COL13A1: variants seen among roughly 807,000 people sequenced by gnomAD.
COL13A1 encodes the protein collagen type XIII alpha 1 chain.
Under a neutral mutation model 130.9 loss-of-function variants are expected in COL13A1, and 89 were observed. The observed-to-expected ratio is 0.68, with a 90% CI of 0.57 to 0.81. The LOEUF (loss-of-function observed/expected upper bound fraction) is 0.81, where lower values mean the gene tolerates loss of function less well. COL13A1 is among the 30% of genes least tolerant of loss of function. The pLI is 0.00. For synonymous variants in COL13A1, 402 were observed against 341.6 expected (o/e 1.18, Z -1.95); for missense variants, 879 against 934.6 (o/e 0.94, Z 0.78).
intron 31 of COL13A1, 31 bp from the exon 32 acceptor site, chr10:69,935,319 A>C: frequency 2.6e-6 from 4 of 1,565,892 alleles, no homozygotes; most frequent in Non-Finnish European, 3.5e-6. Flanking sequence ...GGGCCACTTC[A>C]AATGTAACAG....
intron 14 of COL13A1, among the ~76,000 whole-genome samples, chr10:69,902,267 T>C (rs2062259700): frequency 6.6e-6 from 1 of 152,220 alleles, no homozygotes; most frequent in South Asian, 2.1e-4. Flanking sequence ...CTGGGTCAGA[T>C]AAAGACAGCA....
At chr10:69,917,214 T>G in intron 17 of COL13A1, 75 bp from the exon 18 acceptor site, 2 of 1,582,912 alleles carry the variant, frequency 1.3e-6, no homozygotes, top group Non-Finnish European at 1.7e-6. Flanking sequence ...GACAAGACAT[T>G]CTCACCGACA....
chr10:69,919,946 C>T (rs1247623477), intron 21 of COL13A1, among the ~76,000 whole-genome samples: 1 of 152,224 alleles, frequency 6.6e-6, no homozygotes, highest in African/African-American at 2.4e-5. Context: ...CAGCAGAAAG[C>T]CTAGCAGAAG....
At chr10:69,944,725 G>GA (rs5785958) in intron 36 of COL13A1, among the ~76,000 whole-genome samples, 3 of 150,684 alleles carry the variant, frequency 2.0e-5, no homozygotes, top group East Asian at 1.9e-4. Flanking sequence ...AAGAGGAAAA[G>GA]AAAAAAAAAG....
At chr10:69,919,951 CAGA>C (rs1447959808) in intron 21 of COL13A1, among the ~76,000 whole-genome samples, 2 of 152,226 alleles carry the variant, frequency 1.3e-5, no homozygotes, top group African/African-American at 4.8e-5. Flanking sequence ...GAAAGCCTAG[CAGA>C]AGGAGGAACT....
Position 69,952,845 on chromosome 10 carries a change from T to C in COL13A1, c.2059-37T>C, listed in dbSNP as rs372752567. On this transcript the variant is annotated intron_variant, in intron 38 of 40. Transcript: ENST00000645393. ...TTAACACATGAATGATCTTAAAGTT[T>C]TGATGTTTTTTTCTCGGACTAAACC... is the stretch of plus-strand genomic sequence containing the variant. 3.6e-6 allele frequency: 5 copies of C among 1,392,810 alleles called. No homozygotes were observed. The African/African-American group carries it at 7.5e-5, about 21-fold the overall frequency. 86.3% of individuals were successfully genotyped at this position (1,392,810 alleles called of 1,614,324 possible).
chr10:69,813,310 C>T (rs1026844308), intron 1 of COL13A1, among the ~76,000 whole-genome samples: 2 of 152,178 alleles, frequency 1.3e-5, no homozygotes, highest in African/African-American at 2.4e-5. Context: ...TTCTGGGGCC[C>T]GGTTCCTTGA....
chr10:69,850,653 G>A (rs184043462), intron 2 of COL13A1, among the ~76,000 whole-genome samples: 122 of 152,106 alleles, frequency 8.0e-4, no homozygotes, highest in Non-Finnish European at 1.6e-3. Flanking sequence ...GAGGGGGGCT[G>A]AGGCAGATCA....
At position 69,936,128 on chromosome 10, in the gene COL13A1, A is replaced by AGAAG. The variant is rs1444456777; in HGVS notation, c.1771-580_1771-577dup. Among the ~76,000 whole-genome samples, 141 of 92,212 alleles carry AGAAG rather than the reference A, an allele frequency of 1.5e-3. 1 individual carries two copies. The highest frequency in any genetic ancestry group is 6.7e-3 in the African/African-American group (135 of 20,122). 60.5% of individuals were successfully genotyped at this position (92,212 alleles called of 152,430 possible). On this transcript the variant is annotated intron_variant, in intron 32 of 40. Transcript: ENST00000645393. ...AGGAAGGAAGGAAGGAAGGAAGGAA[A>AGAAG]GAAGGAAGGAAGGAAGGAAGGAAGG...
At chr10:69,804,394 G>A (rs565365102) in intron 1 of COL13A1, among the ~76,000 whole-genome samples, 1 of 151,948 alleles carries the variant, frequency 6.6e-6, no homozygotes, top group African/African-American at 2.4e-5. Flanking sequence ...ATGCCAAGTC[G>A]CATACTCTAG....
At chr10:69,886,342 G>A (rs1208500069) in intron 7 of COL13A1, among the ~76,000 whole-genome samples, 2 of 152,182 alleles carry the variant, frequency 1.3e-5, no homozygotes, top group African/African-American at 4.8e-5. Context: ...TGAGGCTCTG[G>A]GAGGTTAGAC....
rs776141199 is a variant in COL13A1, at chr10:69,928,962, T to C, written c.1448T>C (p.Ile483Thr). Residue 483 changes from isoleucine to threonine, a missense_variant, in exon 28 of 41, where the codon ATT (isoleucine) becomes ACT (threonine). Physicochemically the swap from Ile to Thr is moderately conservative, Grantham distance 89. Transcript: ENST00000645393. ...GGGCCTCCTGGTCTTCCTGGGCAAA[T>C]TGGCCCACCTGGAGCTCCAGGGATT... is the stretch of plus-strand genomic sequence containing the variant. ...LMGPPGLPGQ[I>T]GPPGAPGIPG... The C allele has an allele frequency of 6.8e-6, 11 of 1,613,488 alleles. No homozygotes were observed. In the Middle Eastern group the frequency reaches 5.0e-4, roughly 73 times the overall value.
At position 69,809,005 on chromosome 10, in the gene COL13A1, G is replaced by T. The variant is rs1267600836; in HGVS notation, c.294+6288G>T. 2.0e-5 allele frequency among the ~76,000 whole-genome samples: 3 copies of T among 152,188 alleles called. No individual in the cohort carries two copies. The South Asian group carries it at 6.2e-4, about 32-fold the overall frequency. On this transcript the variant is annotated intron_variant, in intron 1 of 40. Coordinates refer to ENST00000645393, the MANE Select transcript of COL13A1 (RefSeq NM_001368882.1). ...GTGTTCCCCACTGGGCAGAGAAGCTGGGGGCACCCACCCCCTCCCATCCTC... is the reference window on the plus strand; with the variant it reads ...GTGTTCCCCACTGGGCAGAGAAGCTTGGGGCACCCACCCCCTCCCATCCTC...
In COL13A1 at chr10:69,944,165, C is replaced by T. The variant is rs1242645314; in HGVS notation, c.1955C>T (p.Pro652Leu). Residue 652 changes from proline to leucine, a missense_variant, in exon 36 of 41, where the codon CCA (proline) becomes CTA (leucine). By Grantham distance (98) the Pro-to-Leu change is moderately conservative (BLOSUM62 -3). This residue lies in a region of COL13A1 where 96 missense variants were observed against 147.7 expected (regional missense o/e 0.65). Transcript: ENST00000645393. ...GPIGVPGPAG[P>L]KGERGSKGDP... is the part of the protein sequence containing the mutation. ...ATTGGAGTTCCAGGCCCAGCGGGACCAAAGGGCGAGAGGGTGAGTGTCACT... is the reference window on the plus strand; with the variant it reads ...ATTGGAGTTCCAGGCCCAGCGGGACTAAAGGGCGAGAGGGTGAGTGTCACT... The T allele has an allele frequency of 6.2e-7, 1 of 1,613,756 alleles. No homozygotes were observed. The highest frequency in any genetic ancestry group is 8.5e-7 in the Non-Finnish European group (1 of 1,179,778).
At chr10:69,807,901 C>T (rs1422057542) in intron 1 of COL13A1, among the ~76,000 whole-genome samples, 2 of 152,166 alleles carry the variant, frequency 1.3e-5, no homozygotes, top group Non-Finnish European at 2.9e-5. Context: ...CCAGGGCCCT[C>T]AGCAGACATT....
chr10:69,891,616 T>C (rs1357676090), intron 10 of COL13A1, among the ~76,000 whole-genome samples: 2 of 152,128 alleles, frequency 1.3e-5, no homozygotes, highest in Non-Finnish European at 1.5e-5. Flanking sequence ...CATGGAGTAG[T>C]GGAGACCGAG....
chr10:69,944,661 T>TA (rs111975487), intron 36 of COL13A1, among the ~76,000 whole-genome samples: 17,754 of 82,130 alleles, frequency 0.22, 1,440 homozygotes, highest in African/African-American at 0.36. Context: ...CTTATCTCTA[T>TA]AAAAAAAAAA....
At chr10:69,823,205 C>G (rs2132646673) in intron 2 of COL13A1, among the ~76,000 whole-genome samples, 1 of 152,334 alleles carries the variant, frequency 6.6e-6, no homozygotes, top group South Asian at 2.1e-4. Flanking sequence ...GGTTCAAGTG[C>G]ATTGTCCACC....
chr10:69,945,770 C>T, intron 37 of COL13A1, 46 bp downstream of exon 37: 2 of 1,588,100 alleles, frequency 1.3e-6, no homozygotes, highest in Middle Eastern at 1.7e-4. Flanking sequence ...ACCCCTGCCC[C>T]CATTAGAAAT....
Sources: allele counts gnomAD v4.1 joint callset (sites outside exome capture counted in the v4.1 genomes callset), GRCh38; gene constraint gnomAD v4.1.1; regional missense constraint gnomAD v4.1.1; transcripts MANE v1.5; gene names NCBI Gene and HGNC (gene_info 2026-07-23, HGNC 2026-07-21).